ATP2C1: variants seen among roughly 807,000 people sequenced by gnomAD.
The protein encoded by ATP2C1 is ATPase secretory pathway Ca2+ transporting 1.
ATP2C1 carries 31 observed loss-of-function variants against 120.5 expected under a neutral mutation model. The ratio of observed to expected loss-of-function variants is 0.26; its 90% CI spans 0.19 to 0.35. ATP2C1 has a LOEUF of 0.35. ATP2C1 is among the 10% of genes least tolerant of loss of function. ATP2C1 has a pLI of 1.00. For missense variants in ATP2C1, 731 were observed against 1,107.5 expected (o/e 0.66, Z 4.83); for synonymous variants, 351 against 358.7 (o/e 0.98, Z 0.24).
At chr3:130,925,948 T>C (rs987971891) in intron 2 of ATP2C1, among the ~76,000 whole-genome samples, 3 of 152,134 alleles carry the variant, frequency 2.0e-5, no homozygotes, top group African/African-American at 4.8e-5. Flanking sequence ...ATGCAACCTG[T>C]GGTCTTAAAG....
chr3:130,888,303 A>G (rs2069047754), intron 1 of ATP2C1, among the ~76,000 whole-genome samples: 1 of 152,288 alleles, frequency 6.6e-6, no homozygotes, highest in South Asian at 2.1e-4. Flanking sequence ...GGATGGCACA[A>G]GCACTCCCTT....
At chr3:130,997,802 GAT>G in intron 25 of ATP2C1, 49 bp downstream of exon 25, 3 of 1,594,078 alleles carry the variant, frequency 1.9e-6, no homozygotes, top group Non-Finnish European at 2.6e-6. Flanking sequence ...CTGTATATCT[GAT>G]AGGATTCTTA....
At chr3:130,875,563 A>G (rs144647214) in intron 1 of ATP2C1, among the ~76,000 whole-genome samples, 1 of 152,192 alleles carries the variant, frequency 6.6e-6, no homozygotes, top group African/African-American at 2.4e-5. Context: ...TATCTTGGCT[A>G]TTGTGGATAA....
intron 10 of ATP2C1, among the ~76,000 whole-genome samples, 193 bp downstream of exon 10, chr3:130,955,273 T>C (rs181310672): frequency 1.7e-3 from 254 of 152,316 alleles, no homozygotes; most frequent in African/African-American, 5.9e-3. Context: ...GTTAGTATTC[T>C]AAAGGATTTT....
intron 17 of ATP2C1, among the ~76,000 whole-genome samples, chr3:130,972,617 T>TCCCCCCTC (rs371623203): frequency 3.4e-5 from 3 of 87,674 alleles, no homozygotes; most frequent in Non-Finnish European, 6.5e-5. Flanking sequence ...ATGCTATCCC[T>TCCCCCCTC]CCCCCTCCCC....
intron 24 of ATP2C1, 71 bp downstream of exon 24, chr3:130,996,867 AC>A: frequency 9.0e-7 from 1 of 1,109,666 alleles, no homozygotes; most frequent in Non-Finnish European, 1.4e-6. Context: ...AAGTTTTAAA[AC>A]TTGATTTATG....
chr3:130,927,243 C>CT (rs772300672), intron 2 of ATP2C1, among the ~76,000 whole-genome samples: 464 of 142,454 alleles, frequency 3.3e-3, no homozygotes, highest in African/African-American at 3.1e-3. Context: ...TTTTTTTTAA[C>CT]TTTTTTTTTT....
chr3:130,908,507 T>A (rs1482847881), intron 2 of ATP2C1, among the ~76,000 whole-genome samples: 1 of 151,814 alleles, frequency 6.6e-6, no homozygotes, highest in Non-Finnish European at 1.5e-5. Context: ...TATACACACC[T>A]GTATAGAAAA....
At chr3:130,969,932 G>T (rs1190879694) in intron 17 of ATP2C1, among the ~76,000 whole-genome samples, 1 of 152,188 alleles carries the variant, frequency 6.6e-6, no homozygotes, top group Non-Finnish European at 1.5e-5. Context: ...TTTCCAGTTA[G>T]TGTAATAAGA....
intron 6 of ATP2C1, among the ~76,000 whole-genome samples, 177 bp downstream of exon 6, chr3:130,937,640 A>G (rs1190004441): frequency 6.6e-6 from 1 of 152,218 alleles, no homozygotes; most frequent in African/African-American, 2.4e-5. Context: ...GTGGTGTGGG[A>G]CTAAGGAACT....
chr3:130,981,719 A>G (rs1440638848), intron 20 of ATP2C1, among the ~76,000 whole-genome samples: 1 of 152,136 alleles, frequency 6.6e-6, no homozygotes, highest in Non-Finnish European at 1.5e-5. Context: ...TCACTAGCAC[A>G]AGGGATTGTC....
chr3:130,986,255 A>T (rs2062007998), intron 20 of ATP2C1, among the ~76,000 whole-genome samples: 1 of 147,468 alleles, frequency 6.8e-6, no homozygotes, highest in African/African-American at 2.5e-5. Flanking sequence ...AATAAATCCC[A>T]TATTGGATTT....
intron 1 of ATP2C1, among the ~76,000 whole-genome samples, chr3:130,875,374 GTTAT>G (rs1182180177): frequency 1.3e-5 from 2 of 152,088 alleles, no homozygotes; most frequent in Non-Finnish European, 2.9e-5. Context: ...GTGAACATGT[GTTAT>G]TTATCTTTTT....
intron 24 of ATP2C1, among the ~76,000 whole-genome samples, chr3:130,997,332 G>A (rs2062670741): frequency 6.6e-6 from 1 of 152,114 alleles, no homozygotes; most frequent in African/African-American, 2.4e-5. Context: ...CACCGTATTT[G>A]AAATAGGTAA....
chr3:130,857,605 A>G (rs2067883071), intron 1 of ATP2C1, among the ~76,000 whole-genome samples: 1 of 152,178 alleles, frequency 6.6e-6, no homozygotes, highest in South Asian at 2.1e-4. Context: ...TCTTCTGAAC[A>G]CTACCACCTA....
intron 7 of ATP2C1, among the ~76,000 whole-genome samples, chr3:130,941,242 G>GTGTGTGTGTGTGTGTGTC: frequency 6.8e-6 from 1 of 147,626 alleles, no homozygotes; most frequent in African/African-American, 2.6e-5. Flanking sequence ...GTGTGTGTGT[G>GTGTGTGTGTGTGTGTGTC]TGTGTGTGTG....
chr3:130,911,775 A>G (rs1171840991), intron 2 of ATP2C1, among the ~76,000 whole-genome samples: 2 of 150,248 alleles, frequency 1.3e-5, no homozygotes, highest in Admixed American at 6.6e-5. Context: ...TGGAACCAAA[A>G]AAGAGCCCGC....
upstream of ATP2C1, chr3:130,893,862 A>G: frequency 1.1e-6 from 1 of 941,358 alleles, no homozygotes; most frequent in Non-Finnish European, 1.3e-6. Context: ...GCGACCTCCT[A>G]CCGGACGGAT....
At chr3:130,919,758 G>A (rs2058866813) in intron 2 of ATP2C1, among the ~76,000 whole-genome samples, 1 of 152,154 alleles carries the variant, frequency 6.6e-6, no homozygotes, top group Admixed American at 6.5e-5. Flanking sequence ...AAATTTTTGA[G>A]GAAGCTTCAT....
Sources: allele counts gnomAD v4.1 joint callset (sites outside exome capture counted in the v4.1 genomes callset), GRCh38; gene constraint gnomAD v4.1.1; transcripts MANE v1.5; gene names NCBI Gene and HGNC (gene_info 2026-07-23, HGNC 2026-07-21).